PPM1E: variants seen among roughly 807,000 people sequenced by gnomAD.
PPM1E encodes the protein protein phosphatase 1E.
PPM1E carries 20 observed loss-of-function variants against 65.9 expected under a neutral mutation model. The observed-to-expected ratio is 0.30, with a 90% CI of 0.21 to 0.44. The LOEUF is 0.44. Ranked by LOEUF, PPM1E falls within the 20% of genes least tolerant of loss-of-function variation. PPM1E has a pLI of 1.00. For synonymous variants in PPM1E, 352 were observed against 374.9 expected, an observed-to-expected ratio of 0.94 and a Z score of 0.70; for missense variants, 713 against 953.1, an observed-to-expected ratio of 0.75 and a Z score of 3.32.
chr17:58,972,081 G>A lies in PPM1E; in HGVS notation c.973-51G>A, dbSNP rs773228716. On this transcript the variant is annotated intron_variant, in intron 4 of 6. Coordinates refer to ENST00000308249, the MANE Select transcript of PPM1E (RefSeq NM_014906.5). Reference sequence around the variant, plus strand: ...TTATAAATTGCTTCTCAATAAGAATGTAGTATCTATTTCTTTTCACTGAGT... The same window carrying A: ...TTATAAATTGCTTCTCAATAAGAATATAGTATCTATTTCTTTTCACTGAGT... 3.9e-6 allele frequency: 6 copies of A among 1,545,824 alleles called. No individual in the cohort carries two copies. The South Asian group carries it at 7.0e-5, about 18-fold the overall frequency.
intron 1 of PPM1E, among the ~76,000 whole-genome samples, chr17:58,879,501 CTTTTTTTTTTTTTT>C (rs71367639): frequency 3.4e-5 from 3 of 88,788 alleles, no homozygotes; most frequent in African/African-American, 9.2e-5. Flanking sequence ...CTGAGATTAA[CTTTTTTTTTTTTTT>C]TTTTTTTTTT....
At chr17:58,916,957 C>T (rs1047112983) in intron 1 of PPM1E, among the ~76,000 whole-genome samples, 3 of 152,132 alleles carry the variant, frequency 2.0e-5, no homozygotes, top group African/African-American at 7.2e-5. Flanking sequence ...CACCTGTAAT[C>T]CCAGCACTTT....
At chr17:58,905,610 T>C (rs888870791) in intron 1 of PPM1E, among the ~76,000 whole-genome samples, 17 of 152,066 alleles carry the variant, frequency 1.1e-4, no homozygotes, top group African/African-American at 3.9e-4. Flanking sequence ...TTGGATTTGG[T>C]TTGCTAATAT....
chr17:58,845,467 ACT>A (rs1283386108), intron 1 of PPM1E, among the ~76,000 whole-genome samples: 3 of 151,978 alleles, frequency 2.0e-5, no homozygotes, highest in Non-Finnish European at 4.4e-5. Flanking sequence ...CAAAATTGAA[ACT>A]TTCTATCCAT....
chr17:58,842,919 C>T (rs2050733850), intron 1 of PPM1E, among the ~76,000 whole-genome samples: 1 of 151,656 alleles, frequency 6.6e-6, no homozygotes, highest in Admixed American at 6.6e-5. Flanking sequence ...GCCTGGGCAA[C>T]AAGAGCAACA....
At chr17:58,841,032 A>T (rs2050712608) in intron 1 of PPM1E, among the ~76,000 whole-genome samples, 3 of 152,142 alleles carry the variant, frequency 2.0e-5, no homozygotes, top group Admixed American at 6.5e-5. Flanking sequence ...TATTGTGCAA[A>T]CGGGATGTTT....
At chr17:58,830,292 G>GTTGTTATTA (rs1555612724) in intron 1 of PPM1E, among the ~76,000 whole-genome samples, 39 of 146,830 alleles carry the variant, frequency 2.7e-4, no homozygotes, top group African/African-American at 6.1e-4. Context: ...TGTTGTTGTT[G>GTTGTTATTA]TTATTATTAT....
chr17:58,913,585 TC>T (rs1180764672), intron 1 of PPM1E, among the ~76,000 whole-genome samples: 3 of 152,016 alleles, frequency 2.0e-5, no homozygotes, highest in Non-Finnish European at 4.4e-5. Context: ...CTCAAGTCAC[TC>T]CCCCTGAAAA....
intron 3 of PPM1E, 96 bp from the exon 4 acceptor site, chr17:58,969,443 G>A (rs1426464178): frequency 8.7e-7 from 1 of 1,152,374 alleles, no homozygotes; most frequent in Non-Finnish European, 1.3e-6. Context: ...AAATGCAGTG[G>A]AGGAGAAAGG....
intron 1 of PPM1E, among the ~76,000 whole-genome samples, chr17:58,925,300 G>GTT (rs376152093): frequency 6.7e-6 from 1 of 149,620 alleles, no homozygotes. Context: ...TCTCATTGTG[G>GTT]TTTTTTTTTG....
chr17:58,887,205 C>A (rs910574160), intron 1 of PPM1E, among the ~76,000 whole-genome samples: 2 of 139,412 alleles, frequency 1.4e-5, no homozygotes, highest in African/African-American at 5.5e-5. Flanking sequence ...CACTGTGTCG[C>A]CCAGGCTGGA....
At position 58,843,216 on chromosome 17, in the gene PPM1E, C is replaced by G. The variant is rs190210523; in HGVS notation, c.464+86755C>G. Among the ~76,000 whole-genome samples, 456 of 150,218 alleles carry G rather than the reference C, an allele frequency of 3.0e-3. 5 individuals are homozygous for G. The highest frequency in any genetic ancestry group is 0.014 in the South Asian group (66 of 4,756). ...CCTGGGAGGCAGAGAACCTGGGAGG[C>G]GTGAACCTGGGAGGCAGGAGAATGG... On this transcript the variant is annotated intron_variant, in intron 1 of 6. Coordinates refer to ENST00000308249, the MANE Select transcript of PPM1E (RefSeq NM_014906.5).
Position 58,979,958 on chromosome 17 carries a change from A to T in PPM1E, c.1211-16A>T. ...AAACAAATGCTAATGATGCCCCTAC[A>T]CTCTGCTTCCCGCAGGAGATGCTGA... is the stretch of plus-strand genomic sequence containing the variant. On this transcript the variant is annotated splice_polypyrimidine_tract_variant and intron_variant, in intron 6 of 6. Transcript: ENST00000308249. 6.3e-7 allele frequency: 1 copy of T among 1,599,460 alleles called. No homozygotes were observed. The highest frequency in any genetic ancestry group is 8.5e-7 in the Non-Finnish European group (1 of 1,170,428).
intron 1 of PPM1E, among the ~76,000 whole-genome samples, chr17:58,849,771 G>A (rs2050806935): frequency 6.6e-6 from 1 of 152,186 alleles, no homozygotes; most frequent in South Asian, 2.1e-4. Context: ...GGAGAGTTCT[G>A]CAGATGTCTA....
At chr17:58,783,832 C>T (rs1287159431) in intron 1 of PPM1E, among the ~76,000 whole-genome samples, 2 of 151,840 alleles carry the variant, frequency 1.3e-5, no homozygotes, top group East Asian at 1.9e-4. Context: ...ATCAGCCTCC[C>T]GAGTAGCTGG....
chr17:58,968,870 T>C (rs7208223), intron 3 of PPM1E, among the ~76,000 whole-genome samples: 152,266 of 152,338 alleles, frequency 1, 76,097 homozygotes, highest in Non-Finnish European at 1. Flanking sequence ...TCTTAGATCA[T>C]GGGGTGAGGC....
intron 1 of PPM1E, among the ~76,000 whole-genome samples, chr17:58,772,491 A>T (rs976847289): frequency 6.6e-6 from 1 of 152,000 alleles, no homozygotes; most frequent in African/African-American, 2.4e-5. Flanking sequence ...AGAGGATTTT[A>T]TGGGGACACT....
intron 1 of PPM1E, among the ~76,000 whole-genome samples, chr17:58,917,436 T>G (rs893652305): frequency 5.9e-5 from 9 of 152,196 alleles, no homozygotes; most frequent in Non-Finnish European, 1.2e-4. Context: ...ACATTTACTC[T>G]GTGACAGTTT....
intron 1 of PPM1E, among the ~76,000 whole-genome samples, chr17:58,770,513 G>A (rs1263587099): frequency 6.6e-6 from 1 of 151,912 alleles, no homozygotes; most frequent in African/African-American, 2.4e-5. Context: ...CTCCAGCCCG[G>A]GCAACATAGT....
Sources: allele counts gnomAD v4.1 joint callset (sites outside exome capture counted in the v4.1 genomes callset), GRCh38; gene constraint gnomAD v4.1.1; transcripts MANE v1.5; gene names NCBI Gene and HGNC (gene_info 2026-07-23, HGNC 2026-07-21).